Variants in FIRRM observed in about 807,000 individuals in gnomAD.
The protein encoded by FIRRM is FIGNL1 interacting regulator of recombination and mitosis, also known as FIGNL1-interacting regulator of recombination and mitosis.
chr1:169,853,026 A>C, the FIRRM span: 1 of 1,581,656 alleles, frequency 6.3e-7, no homozygotes. Context: ...ATGCTTTGTC[A>C]ACTGAAAATA....
the FIRRM span, among the ~76,000 whole-genome samples, chr1:169,808,459 A>C: frequency 6.6e-6 from 1 of 152,118 alleles, no homozygotes; most frequent in Non-Finnish European, 1.5e-5. Context: ...AATTTGTAGT[A>C]CGATTATTGG....
At chr1:169,803,389 A>AT in the FIRRM span, 2 of 1,302,232 alleles carry the variant, frequency 1.5e-6, no homozygotes, top group South Asian at 1.8e-5. Flanking sequence ...TTTGTATAAG[A>AT]TTTTACATTT....
chr1:169,849,843 T>TAGG, the FIRRM span: 1 of 523,412 alleles, frequency 1.9e-6, no homozygotes, highest in South Asian at 2.3e-5. Context: ...ACAGCAGGCC[T>TAGG]ACTGATACAG....
the FIRRM span, chr1:169,804,129 G>A: frequency 1.3e-6 from 2 of 1,579,852 alleles, no homozygotes. Flanking sequence ...CCTTCTCCAG[G>A]CTCTTTTCAA....
the FIRRM span, chr1:169,829,263 G>T: frequency 3.2e-6 from 5 of 1,552,216 alleles, no homozygotes; most frequent in Non-Finnish European, 4.3e-6. Flanking sequence ...TTCCCTGCAG[G>T]ATATCTCTAC....
chr1:169,802,535 C>CGTATTGTGTT, the FIRRM span: 1 of 849,442 alleles, frequency 1.2e-6, no homozygotes, highest in South Asian at 1.8e-5. Context: ...ATCAAATTAT[C>CGTATTGTGTT]GTATTGTGTT....
the FIRRM span, among the ~76,000 whole-genome samples, chr1:169,834,864 CATATT>C: frequency 6.6e-6 from 1 of 152,076 alleles, no homozygotes; most frequent in African/African-American, 2.4e-5. Context: ...TAAAGATACT[CATATT>C]AAAGAGTGGT....
the FIRRM span, chr1:169,852,950 T>C: frequency 6.2e-7 from 1 of 1,613,988 alleles, no homozygotes; most frequent in African/African-American, 1.3e-5. Flanking sequence ...CAAGAAAGGA[T>C]GGATAAGCTA....
chr1:169,847,303 C>A, the FIRRM span, among the ~76,000 whole-genome samples: 1 of 118,020 alleles, frequency 8.5e-6, no homozygotes, highest in East Asian at 2.5e-4. Context: ...TGCCACACAC[C>A]TTATATTTCT....
chr1:169,830,118 A>G, the FIRRM span: 1 of 642,288 alleles, frequency 1.6e-6, no homozygotes, highest in East Asian at 2.8e-5. Flanking sequence ...CCTTTCAGAT[A>G]CTAGAAAGTA....
chr1:169,793,137 C>A, the FIRRM span: 1 of 1,614,158 alleles, frequency 6.2e-7, no homozygotes, highest in Non-Finnish European at 8.5e-7. Context: ...TTTTTCCCAG[C>A]AAATTTCACT....
At chr1:169,852,602 G>T in the FIRRM span, 8 of 603,038 alleles carry the variant, frequency 1.3e-5, no homozygotes, top group Admixed American at 5.9e-5. Context: ...ACTCTGAATT[G>T]CTATGATAAA....
At chr1:169,819,899 A>G in the FIRRM span, among the ~76,000 whole-genome samples, 8 of 152,326 alleles carry the variant, frequency 5.3e-5, no homozygotes, top group South Asian at 2.1e-4. Flanking sequence ...GCCGCCAGCC[A>G]TTGTAAAATG....
chr1:169,836,599 AG>A, the FIRRM span, among the ~76,000 whole-genome samples: 857 of 152,354 alleles, frequency 5.6e-3, 5 homozygotes, highest in Non-Finnish European at 0.01. Context: ...CAAGGTGACG[AG>A]TATATAGGAA....
chr1:169,796,075 A>ATTCTCTCAAGT, the FIRRM span: 2 of 577,444 alleles, frequency 3.5e-6, no homozygotes, highest in Non-Finnish European at 4.4e-6. Context: ...TTCACTTGAG[A>ATTCTCTCAAGT]GAATCTCAAT....
the FIRRM span, chr1:169,793,862 C>A: frequency 1.0e-5 from 5 of 478,470 alleles, no homozygotes; most frequent in Non-Finnish European, 1.8e-5. Flanking sequence ...TTCCAAATGA[C>A]TTTTTAGACG....
the FIRRM span, among the ~76,000 whole-genome samples, chr1:169,805,590 C>A: frequency 6.6e-6 from 1 of 152,104 alleles, no homozygotes; most frequent in African/African-American, 2.4e-5. Flanking sequence ...AAATAATCTA[C>A]CACAGACTGA....
At chr1:169,822,395 G>GT in the FIRRM span, among the ~76,000 whole-genome samples, 1 of 152,162 alleles carries the variant, frequency 6.6e-6, no homozygotes, top group Non-Finnish European at 1.5e-5. Flanking sequence ...ATGGACAATA[G>GT]TTTTTTTAAA....
At chr1:169,822,320 A>T in the FIRRM span, among the ~76,000 whole-genome samples, 1 of 152,200 alleles carries the variant, frequency 6.6e-6, no homozygotes, top group Non-Finnish European at 1.5e-5. Context: ...TGACTATAAT[A>T]AATCGTCATT....
Sources: gnomAD v4.1 joint callset for allele counts (sites outside exome capture counted in the v4.1 genomes callset) on GRCh38, gnomAD v4.1.1 for gene constraint, MANE v1.5 for transcripts, NCBI Gene and HGNC (gene_info 2026-07-23, HGNC 2026-07-21) for gene names.